The following NVL variants were observed in gnomAD, a reference collection of about 807,000 sequenced individuals.
The protein encoded by NVL is nuclear VCP like, also known as nuclear valosin-containing protein-like.
A neutral mutation model predicts 110.2 loss-of-function variants in NVL; 84 were observed. That is an observed-to-expected ratio of 0.76 (90% CI 0.64 to 0.91). NVL has a LOEUF of 0.91. NVL is among the 40% of genes least tolerant of loss of function. The pLI, the probability that NVL is intolerant of heterozygous loss-of-function variation, is 0.00. For missense variants in NVL, 882 were observed against 1,035.9 expected (o/e 0.85, Z 2.04); for synonymous variants, 354 against 361.1 (o/e 0.98, Z 0.22).
At chr1:224,321,093 A>T (rs935762487) in intron 2 of NVL, among the ~76,000 whole-genome samples, 5 of 152,054 alleles carry the variant, frequency 3.3e-5, no homozygotes, top group Non-Finnish European at 7.4e-5. Context: ...TCTACAAAAA[A>T]TACAAAGAAT....
intron 2 of NVL, among the ~76,000 whole-genome samples, chr1:224,318,217 C>T (rs1670284104): frequency 6.6e-6 from 1 of 152,136 alleles, no homozygotes; most frequent in Non-Finnish European, 1.5e-5. Context: ...CTCGTATATT[C>T]TTTACCTATA....
At chr1:224,254,517 C>A (rs1662927099) in intron 18 of NVL, among the ~76,000 whole-genome samples, 1 of 148,852 alleles carries the variant, frequency 6.7e-6, no homozygotes, top group South Asian at 2.1e-4. Flanking sequence ...GTCAGCCTCC[C>A]AAGTAGCTGG....
At position 224,258,423 on chromosome 1, in the gene NVL, T is replaced by A. The variant is rs563935188; in HGVS notation, c.2183-8105A>T. Among the ~76,000 whole-genome samples the A allele has an allele frequency of 2.6e-5, 4 of 152,322 alleles. No individual in the cohort carries two copies. In the South Asian group the frequency reaches 8.3e-4, roughly 32 times the overall value. ...GTGAATAAATCAGAACTGTCATATA[T>A]TTTAATGTCAAAATTACTAGTGGGA... On this transcript the variant is annotated intron_variant, in intron 18 of 22. Transcript: ENST00000281701.
At chr1:224,241,021 C>CT (rs1661139828) in intron 19 of NVL, among the ~76,000 whole-genome samples, 3 of 151,976 alleles carry the variant, frequency 2.0e-5, no homozygotes, top group African/African-American at 7.2e-5. Context: ...AAACTCCTGA[C>CT]CTGGTGATCC....
chr1:224,237,959 TTCAAAAAAAAA>T (rs1558236520), intron 19 of NVL, among the ~76,000 whole-genome samples: 2 of 83,444 alleles, frequency 2.4e-5, no homozygotes, highest in Admixed American at 1.3e-4. Flanking sequence ...GAGACTTGGT[TTCAAAAAAAAA>T]AAAAAAAAAA....
chr1:224,229,832 GTTTA>G (rs1168724385), intron 22 of NVL, among the ~76,000 whole-genome samples: 4 of 152,160 alleles, frequency 2.6e-5, no homozygotes, highest in South Asian at 2.1e-4. Context: ...TTTCTTCTGT[GTTTA>G]TTTGTTTGTT....
At chr1:224,280,285 A>C (rs1666198410) in intron 16 of NVL, among the ~76,000 whole-genome samples, 1 of 151,496 alleles carries the variant, frequency 6.6e-6, no homozygotes, top group South Asian at 2.1e-4. Flanking sequence ...TATTAATTAC[A>C]ATCTTTAAAA....
chr1:224,248,159 A>G (rs1171917278), intron 19 of NVL, among the ~76,000 whole-genome samples: 1 of 152,208 alleles, frequency 6.6e-6, no homozygotes, highest in African/African-American at 2.4e-5. Flanking sequence ...TAATCCTGGT[A>G]GATGCCACCA....
intron 19 of NVL, among the ~76,000 whole-genome samples, chr1:224,242,224 T>C (rs918333690): frequency 3.3e-5 from 5 of 152,074 alleles, no homozygotes; most frequent in African/African-American, 1.2e-4. Flanking sequence ...AGATGAGTAG[T>C]GGTGATGGTT....
chr1:224,269,572 G>A (rs1664844750), intron 17 of NVL, among the ~76,000 whole-genome samples: 1 of 152,122 alleles, frequency 6.6e-6, no homozygotes, highest in Non-Finnish European at 1.5e-5. Flanking sequence ...GAAACATTCA[G>A]GGAGTTGGTA....
At chr1:224,314,480 C>A (rs1021394348) in intron 4 of NVL, among the ~76,000 whole-genome samples, 1 of 151,996 alleles carries the variant, frequency 6.6e-6, no homozygotes, top group Non-Finnish European at 1.5e-5. Flanking sequence ...AGAAAATGAA[C>A]AAATGATTAA....
At chr1:224,241,900 C>G (rs1661242592) in intron 19 of NVL, among the ~76,000 whole-genome samples, 1 of 151,158 alleles carries the variant, frequency 6.6e-6, no homozygotes, top group African/African-American at 2.4e-5. Context: ...GGTGTGGTGG[C>G]AGGCACCTGT....
chr1:224,235,652 C>T (rs778177387), intron 20 of NVL, among the ~76,000 whole-genome samples: 8 of 151,996 alleles, frequency 5.3e-5, no homozygotes, highest in South Asian at 2.1e-4. Flanking sequence ...AAAAAAGGGC[C>T]GGGTGTGGTG....
chr1:224,248,057 A>C (rs909728241), intron 19 of NVL, among the ~76,000 whole-genome samples: 1 of 152,102 alleles, frequency 6.6e-6, no homozygotes, highest in African/African-American at 2.4e-5. Flanking sequence ...GACTCTCCTG[A>C]ACTCCCAACC....
chr1:224,304,381 C>T (rs1021767849), intron 8 of NVL, among the ~76,000 whole-genome samples: 3 of 151,858 alleles, frequency 2.0e-5, no homozygotes, highest in South Asian at 2.1e-4. Context: ...GCCAAGATCG[C>T]GCCACTGCAC....
chr1:224,259,582 AG>A (rs1195944914), intron 18 of NVL, among the ~76,000 whole-genome samples: 1 of 152,234 alleles, frequency 6.6e-6, no homozygotes, highest in African/African-American at 2.4e-5. Context: ...AATAATTACA[AG>A]ATCAGACAAC....
chr1:224,275,363 T>C lies in NVL; in HGVS notation c.2058A>G (p.Leu686=). Reference sequence around the variant, plus strand: ...CCTCTCGGTCTGATCTTCGAGGACATAAAGCATCCACTTCATCAAAGAATA... The same window carrying C: ...CCTCTCGGTCTGATCTTCGAGGACACAAAGCATCCACTTCATCAAAGAATA... ...CVIFFDEVDA[L]CPRRSDRETG... The change falls in exon 17 of 23, where the codon TTA becomes TTG. Residue 686 remains leucine, a synonymous_variant. Transcript: ENST00000281701. The C allele has an allele frequency of 6.2e-7, 1 of 1,614,206 alleles. No homozygotes were observed. Among genetic ancestry groups the C allele is most frequent in the Non-Finnish European group, 8.5e-7 (1 of 1,180,028 alleles).
At chr1:224,251,407 G>C (rs1254658120) in intron 18 of NVL, among the ~76,000 whole-genome samples, 1 of 151,916 alleles carries the variant, frequency 6.6e-6, no homozygotes, top group Non-Finnish European at 1.5e-5. Flanking sequence ...GGCTATGCAT[G>C]GTGGCAGATC....
chr1:224,308,158 T>A lies in NVL; in HGVS notation c.448A>T (p.Thr150Ser). ...CCTGTTTTGGAACTTATCCGTGGTG[T>A]TGAAGAGGTGGTTTCTCTTTGCTCC... ...EMEQRETTSS[T>S]PRISSKTGSI... is the part of the protein sequence containing the mutation. Residue 150 changes from threonine to serine, a missense_variant, in exon 6 of 23, where the codon ACA becomes TCA. Coordinates refer to ENST00000281701, the MANE Select transcript of NVL (RefSeq NM_002533.4). 1 of 1,614,104 alleles carries A rather than the reference T, an allele frequency of 6.2e-7. No individual in the cohort carries two copies.
Sources: allele counts gnomAD v4.1 joint callset (sites outside exome capture counted in the v4.1 genomes callset), GRCh38; gene constraint gnomAD v4.1.1; transcripts MANE v1.5; gene names NCBI Gene and HGNC (gene_info 2026-07-23, HGNC 2026-07-21).